Variants in STARD13 observed in about 807,000 individuals in gnomAD.
STARD13 encodes stAR-related lipid transfer protein 13.
A neutral mutation model predicts 106.4 loss-of-function variants in STARD13; 62 were observed. The ratio of observed to expected loss-of-function variants is 0.58; its 90% CI spans 0.48 to 0.72. The LOEUF is 0.72. STARD13 is among the 30% of genes least tolerant of loss of function. The pLI, the probability that STARD13 is intolerant of heterozygous loss-of-function variation, is 0.00. For missense variants in STARD13, 1,387 were observed against 1,424.0 expected (o/e 0.97, Z 0.42); for synonymous variants, 565 against 553.0 (o/e 1.02, Z -0.31).
At chr13:33,585,592 A>G in the STARD13 span, among the ~76,000 whole-genome samples, 1 of 152,104 alleles carries the variant, frequency 6.6e-6, no homozygotes, top group African/African-American at 2.4e-5. Flanking sequence ...TACTTGGCAC[A>G]CTGAGGTGGG....
At chr13:33,343,637 A>G, downstream of STARD13, among the ~76,000 whole-genome samples, 1 of 150,944 alleles carries the variant, frequency 6.6e-6, no homozygotes, top group East Asian at 2.0e-4. Flanking sequence ...CTAGCTTCCA[A>G]CAACCAACCT....
chr13:33,349,077 A>G, exon 2 of STARD13: 2 of 699,798 alleles, frequency 2.9e-6, no homozygotes, highest in Non-Finnish European at 2.6e-6. Flanking sequence ...TCAAGTAAGG[A>G]AAAAAGGGAG....
At chr13:33,606,814 A>G in the STARD13 span, among the ~76,000 whole-genome samples, 1 of 152,194 alleles carries the variant, frequency 6.6e-6, no homozygotes, top group South Asian at 2.1e-4. Context: ...TCCTTTCTGG[A>G]GGCTCCGGGG....
the STARD13 span, among the ~76,000 whole-genome samples, chr13:33,403,211 A>ACC: frequency 2.0e-5 from 3 of 152,160 alleles, no homozygotes; most frequent in Non-Finnish European, 4.4e-5. Context: ...AACAACGATG[A>ACC]CCGAACAGGC....
rs1890824286 is a variant in STARD13 at position 33,264,919 on chromosome 13, G to GC, written c.169+20550dup. 3.3e-5 allele frequency among the ~76,000 whole-genome samples: 5 copies of GC among 152,296 alleles called. No homozygotes were observed. In the South Asian group the frequency reaches 1.0e-3, roughly 32 times the overall value. ...GTCTTGATGAAGAGAAATAAAAGTG[G>GC]CCTGGATTTGAGGGAAATAGTGAAA... is the stretch of plus-strand genomic sequence containing the variant. On this transcript the variant is annotated intron_variant, in intron 1 of 13. Transcript: ENST00000336934.
chr13:33,287,863 T>C (rs973431466), upstream of STARD13, among the ~76,000 whole-genome samples: 4 of 152,046 alleles, frequency 2.6e-5, no homozygotes, highest in Non-Finnish European at 5.9e-5. Flanking sequence ...AGCATGGGAC[T>C]TGAGAACATT....
intron 8 of STARD13, among the ~76,000 whole-genome samples, chr13:33,114,156 T>G (rs759483746): frequency 6.6e-6 from 1 of 152,164 alleles, no homozygotes; most frequent in Non-Finnish European, 1.5e-5. Flanking sequence ...TCCAGTATAT[T>G]TATATTACTA....
At chr13:33,363,053 C>T in the STARD13 span, among the ~76,000 whole-genome samples, 1 of 152,244 alleles carries the variant, frequency 6.6e-6, no homozygotes, top group Admixed American at 6.5e-5. Context: ...CACTCCACTT[C>T]ACCCATCTAC....
At chr13:33,153,615 G>A (rs1472703405) in intron 3 of STARD13, among the ~76,000 whole-genome samples, 2 of 152,224 alleles carry the variant, frequency 1.3e-5, no homozygotes, top group African/African-American at 4.8e-5. Flanking sequence ...TCTGCCTACA[G>A]ATGTATAGGA....
At chr13:33,593,658 A>G in the STARD13 span, among the ~76,000 whole-genome samples, 1 of 152,186 alleles carries the variant, frequency 6.6e-6, no homozygotes, top group Non-Finnish European at 1.5e-5. Context: ...CTAAGAAAAT[A>G]CATCCTTTGA....
At chr13:33,117,116 C>T (rs1875493140) in intron 8 of STARD13, among the ~76,000 whole-genome samples, 1 of 151,938 alleles carries the variant, frequency 6.6e-6, no homozygotes, top group Non-Finnish European at 1.5e-5. Context: ...TAATTTCATT[C>T]TTTTTTTTCT....
chr13:33,110,081 C>T lies in STARD13; in HGVS notation c.2839G>A (p.Gly947Arg), dbSNP rs145329907. 409 of 1,614,110 alleles carry T rather than the reference C, an allele frequency of 2.5e-4. No individual in the cohort carries two copies. The Middle Eastern group carries it at 4.8e-3, about 19-fold the overall frequency. ...TDLAFKKVGD[G>R]NPLKLWKASV... ...GCCTTCCACAGCTTCAGCGGGTTCCCGTCGCCCACCTTGGGAAAGACAACG... is the reference window on the plus strand; with the variant it reads ...GCCTTCCACAGCTTCAGCGGGTTCCTGTCGCCCACCTTGGGAAAGACAACG... Residue 947 changes from glycine to arginine, a missense_variant, in exon 12 of 14, where the codon GGG (glycine) becomes AGG (arginine). Transcript: ENST00000336934.
At chr13:33,117,389 G>T (rs541395337) in intron 8 of STARD13, among the ~76,000 whole-genome samples, 2 of 152,282 alleles carry the variant, frequency 1.3e-5, no homozygotes, top group African/African-American at 4.8e-5. Context: ...GGGATTACAG[G>T]CGTGAGCCAC....
intron 2 of STARD13, among the ~76,000 whole-genome samples, chr13:33,166,030 T>C (rs970389745): frequency 6.6e-6 from 1 of 152,152 alleles, no homozygotes; most frequent in East Asian, 1.9e-4. Context: ...GGGTACCTCG[T>C]TCATGGAGGT....
At chr13:33,153,097 C>T (rs1361013468) in intron 3 of STARD13, among the ~76,000 whole-genome samples, 1 of 152,198 alleles carries the variant, frequency 6.6e-6, no homozygotes, top group Non-Finnish European at 1.5e-5. Context: ...ACCACATAGT[C>T]TTCTCTAACA....
intron 1 of STARD13, among the ~76,000 whole-genome samples, chr13:33,342,518 G>GT (rs1397390253): frequency 6.6e-6 from 1 of 150,740 alleles, no homozygotes; most frequent in Non-Finnish European, 1.5e-5. Flanking sequence ...ATCAGTGAGG[G>GT]TTTTTTTATA....
intron 1 of STARD13, among the ~76,000 whole-genome samples, chr13:33,248,103 C>T (rs945873406): frequency 3.3e-5 from 5 of 152,080 alleles, no homozygotes; most frequent in South Asian, 2.1e-4. Flanking sequence ...TCAGGGCTAT[C>T]GTTAAGAAGA....
At chr13:33,259,132 C>A (rs984293824) in intron 1 of STARD13, among the ~76,000 whole-genome samples, 1 of 152,236 alleles carries the variant, frequency 6.6e-6, no homozygotes, top group Admixed American at 6.5e-5. Flanking sequence ...CCCCTGCCCC[C>A]ACTAGAATGG....
intron 1 of STARD13, among the ~76,000 whole-genome samples, chr13:33,213,922 G>C (rs531521294): frequency 6.6e-6 from 1 of 152,304 alleles, no homozygotes; most frequent in African/African-American, 2.4e-5. Flanking sequence ...CATCAACAAG[G>C]AAGCTGCAGT....
Sources: allele counts gnomAD v4.1 joint callset (sites outside exome capture counted in the v4.1 genomes callset), GRCh38; gene constraint gnomAD v4.1.1; transcripts MANE v1.5; gene names NCBI Gene and HGNC (gene_info 2026-07-23, HGNC 2026-07-21).